The following SERPINI1 variants were observed in gnomAD, a reference collection of about 807,000 sequenced individuals.
SERPINI1 encodes the protein neuroserpin.
A neutral mutation model predicts 41.1 loss-of-function variants in SERPINI1; 19 were observed. The observed-to-expected ratio is 0.46, with a 90% CI of 0.32 to 0.68. The LOEUF is 0.68. Ranked by LOEUF, SERPINI1 falls within the 30% of genes least tolerant of loss-of-function variation. The pLI is 0.03. For synonymous variants in SERPINI1, 138 were observed against 156.6 expected (o/e 0.88, Z 0.89); for missense variants, 460 against 479.2 (o/e 0.96, Z 0.37).
At chr3:167,744,876 TATATC>T (rs1725819511) in intron 1 of SERPINI1, among the ~76,000 whole-genome samples, 1 of 136,848 alleles carries the variant, frequency 7.3e-6, no homozygotes, top group Non-Finnish European at 1.5e-5. Context: ...TAAATATATA[TATATC>T]AACTGAATAG....
intron 1 of SERPINI1, among the ~76,000 whole-genome samples, chr3:167,785,550 C>T (rs1727277584): frequency 6.6e-6 from 1 of 152,140 alleles, no homozygotes; most frequent in South Asian, 2.1e-4. Context: ...TGGGCAAATT[C>T]CTAACCTCTG....
At position 167,778,813 on chromosome 3, in the gene SERPINI1, A is replaced by T. The variant is rs1462017236; in HGVS notation, c.-18-10298A>T. ...GAACAAGAAAGGAGTTAGTCTGGGG[A>T]AGAGGCTATTGTCATCATTGCTTTA... On this transcript the variant is annotated intron_variant, in intron 1 of 8. Transcript: ENST00000446050. Among the ~76,000 whole-genome samples, 9 of 152,180 alleles carry T rather than the reference A, an allele frequency of 5.9e-5. No individual in the cohort carries two copies. In the East Asian group the frequency reaches 1.7e-3, roughly 29 times the overall value.
chr3:167,747,549 C>A (rs1196035953), intron 1 of SERPINI1, among the ~76,000 whole-genome samples: 1 of 152,114 alleles, frequency 6.6e-6, no homozygotes, highest in Non-Finnish European at 1.5e-5. Flanking sequence ...GAGGCTGAGG[C>A]AGGAGAATGG....
At chr3:167,767,410 A>G (rs1726602803) in intron 1 of SERPINI1, among the ~76,000 whole-genome samples, 1 of 152,324 alleles carries the variant, frequency 6.6e-6, no homozygotes, top group East Asian at 1.9e-4. Flanking sequence ...GGAAATGTAC[A>G]TGGAGATTAA....
At chr3:167,785,785 C>T (rs1239817933) in intron 1 of SERPINI1, among the ~76,000 whole-genome samples, 17 of 152,074 alleles carry the variant, frequency 1.1e-4, no homozygotes, top group Admixed American at 1.1e-3. Flanking sequence ...TTGTTTTATA[C>T]AAATACAATA....
intron 5 of SERPINI1, among the ~76,000 whole-genome samples, chr3:167,796,428 G>A (rs34392957): frequency 0.13 from 19,244 of 151,938 alleles, 1,457 homozygotes; most frequent in African/African-American, 0.21. Flanking sequence ...CGTGTGCCAT[G>A]GTAGTTTGCT....
At chr3:167,780,760 C>G (rs1727096890) in intron 1 of SERPINI1, among the ~76,000 whole-genome samples, 1 of 152,166 alleles carries the variant, frequency 6.6e-6, no homozygotes, top group Non-Finnish European at 1.5e-5. Flanking sequence ...AGTACTTTTT[C>G]TGTTCACTTC....
chr3:167,759,846 TG>T (rs1355035812), intron 1 of SERPINI1, among the ~76,000 whole-genome samples: 1 of 152,196 alleles, frequency 6.6e-6, no homozygotes, highest in East Asian at 1.9e-4. Context: ...CACAGATTAG[TG>T]AGTAGATAGA....
chr3:167,742,595 G>A (rs11921535), intron 1 of SERPINI1, among the ~76,000 whole-genome samples: 84,877 of 151,942 alleles, frequency 0.56, 26,490 homozygotes, highest in African/African-American at 0.85. Context: ...ATCCCCGGCA[G>A]ATGTCCACTG....
At chr3:167,801,924 A>T (rs1031896279) in intron 5 of SERPINI1, among the ~76,000 whole-genome samples, 3 of 152,194 alleles carry the variant, frequency 2.0e-5, no homozygotes, top group Admixed American at 2.0e-4. Flanking sequence ...TGCTTATGCT[A>T]GATATTGCAA....
At position 167,793,592 on chromosome 3, in the gene SERPINI1, A is replaced by ATT. The variant is rs1407073250; in HGVS notation, c.676+809_676+810insTT. Among the ~76,000 whole-genome samples the ATT allele has an allele frequency of 2.0e-3, 212 of 103,462 alleles. 1 individual carries two copies. Among genetic ancestry groups the ATT allele is most frequent in the African/African-American group, 8.8e-3 (203 of 22,960 alleles). 67.9% of individuals were successfully genotyped at this position (103,462 alleles called of 152,430 possible). A position where few individuals can be genotyped will look rare whatever the true frequency, so the allele number is the denominator to read the frequency against. Reference sequence around the variant, plus strand: ...TCTCTACAAATATATATATATATATATATATTTTTAATTAGCTAGGCATAA... The same window carrying ATT: ...TCTCTACAAATATATATATATATATATTTATATTTTTAATTAGCTAGGCATAA... On this transcript the variant is annotated intron_variant, in intron 4 of 8. Transcript: ENST00000446050.
chr3:167,803,259 C>T (rs955019424), intron 5 of SERPINI1, among the ~76,000 whole-genome samples: 1 of 147,958 alleles, frequency 6.8e-6, no homozygotes, highest in Non-Finnish European at 1.5e-5. Context: ...ACATGTACCC[C>T]AAAACTTAAA....
chr3:167,800,470 T>G (rs951347601), intron 5 of SERPINI1, among the ~76,000 whole-genome samples: 2 of 152,214 alleles, frequency 1.3e-5, no homozygotes, highest in Non-Finnish European at 2.9e-5. Context: ...CTTTTGAATT[T>G]TCTCCTCTTC....
intron 1 of SERPINI1, among the ~76,000 whole-genome samples, chr3:167,746,956 G>GT (rs372996724): frequency 1.5e-3 from 230 of 152,248 alleles, no homozygotes; most frequent in African/African-American, 5.4e-3. Context: ...TTGAAAAAAT[G>GT]TTTGTCTACA....
chr3:167,821,784 T>A (rs1047766983), intron 6 of SERPINI1, among the ~76,000 whole-genome samples: 35 of 152,236 alleles, frequency 2.3e-4, no homozygotes, highest in Non-Finnish European at 2.8e-4. Flanking sequence ...CATATATACA[T>A]ACATAATTAG....
At chr3:167,787,478 AC>A (rs915951038) in intron 1 of SERPINI1, among the ~76,000 whole-genome samples, 1 of 152,238 alleles carries the variant, frequency 6.6e-6, no homozygotes, top group Non-Finnish European at 1.5e-5. Context: ...TCTCTGGAGT[AC>A]AAAAGGAAGT....
chr3:167,792,331 T>A (rs75218269), intron 3 of SERPINI1, among the ~76,000 whole-genome samples: 19,013 of 149,830 alleles, frequency 0.13, 1,402 homozygotes, highest in African/African-American at 0.21. Flanking sequence ...AATTTCTTTT[T>A]TATATATATA....
At chr3:167,778,729 T>C (rs1196912729) in intron 1 of SERPINI1, among the ~76,000 whole-genome samples, 1 of 152,246 alleles carries the variant, frequency 6.6e-6, no homozygotes, top group Admixed American at 6.5e-5. Flanking sequence ...GAACAATGGC[T>C]GATTATCAGT....
chr3:167,791,702 A>G (rs1439942895), intron 3 of SERPINI1, among the ~76,000 whole-genome samples: 1 of 152,246 alleles, frequency 6.6e-6, no homozygotes, highest in African/African-American at 2.4e-5. Flanking sequence ...CTAATACATC[A>G]TGATTTAAAC....
Sources: gnomAD v4.1 joint callset for allele counts (sites outside exome capture counted in the v4.1 genomes callset) on GRCh38, gnomAD v4.1.1 for gene constraint, MANE v1.5 for transcripts, NCBI Gene and HGNC (gene_info 2026-07-23, HGNC 2026-07-21) for gene names.